FSTL4: variants seen among roughly 807,000 people sequenced by gnomAD.
FSTL4 encodes the protein follistatin like 4.
Under a neutral mutation model 78.2 loss-of-function variants are expected in FSTL4, and 28 were observed. The ratio of observed to expected loss-of-function variants is 0.36; its 90% CI spans 0.27 to 0.49. FSTL4 has a LOEUF of 0.49. Among genes scored for constraint, FSTL4 ranks in the 20% least tolerant of loss-of-function variants. FSTL4 has a pLI of 0.98. For missense variants in FSTL4, 922 were observed against 1,084.9 expected, an observed-to-expected ratio of 0.85 and a Z score of 2.11; for synonymous variants, 422 against 440.5, an observed-to-expected ratio of 0.96 and a Z score of 0.53.
At chr5:133,839,229 A>G in the FSTL4 span, among the ~76,000 whole-genome samples, 1 of 152,156 alleles carries the variant, frequency 6.6e-6, no homozygotes, top group South Asian at 2.1e-4. Context: ...TGCCCCACTC[A>G]GACTCACTCC....
chr5:133,769,076 T>C, the FSTL4 span, among the ~76,000 whole-genome samples: 1 of 152,196 alleles, frequency 6.6e-6, no homozygotes, highest in Non-Finnish European at 1.5e-5. Flanking sequence ...TCAAAGAAAG[T>C]TCTTTGGGCG....
At chr5:133,250,527 C>T (rs567681909) in intron 6 of FSTL4, among the ~76,000 whole-genome samples, 27 of 152,342 alleles carry the variant, frequency 1.8e-4, no homozygotes, top group Admixed American at 6.5e-4. Flanking sequence ...TTCATGCTTA[C>T]GACTCTATTG....
At chr5:133,802,343 G>C in the FSTL4 span, among the ~76,000 whole-genome samples, 2 of 152,218 alleles carry the variant, frequency 1.3e-5, no homozygotes, top group Admixed American at 1.3e-4. Context: ...CTCCTGGATG[G>C]GGTGTTTTCA....
intron 4 of FSTL4, among the ~76,000 whole-genome samples, chr5:133,322,304 C>T (rs150375481): frequency 0.033 from 2,652 of 81,274 alleles, 91 homozygotes; most frequent in African/African-American, 0.099. Flanking sequence ...CCCACACACA[C>T]CCACACCCAC....
chr5:133,280,098 G>A (rs1049030379), intron 6 of FSTL4, among the ~76,000 whole-genome samples: 11 of 152,162 alleles, frequency 7.2e-5, no homozygotes. Flanking sequence ...ACACGTTTAC[G>A]TGGTTTAAAG....
At chr5:133,503,369 G>A (rs1224527979) in intron 3 of FSTL4, among the ~76,000 whole-genome samples, 1 of 152,204 alleles carries the variant, frequency 6.6e-6, no homozygotes, top group Non-Finnish European at 1.5e-5. Context: ...AACATGGCCA[G>A]TATCAAACAA....
At chr5:133,221,910 T>TG (rs1561626788) in intron 11 of FSTL4, among the ~76,000 whole-genome samples, 12 of 115,194 alleles carry the variant, frequency 1.0e-4, no homozygotes, top group African/African-American at 5.2e-4. Context: ...TTTTTTTTTT[T>TG]TTTTTTTTTT....
the FSTL4 span, among the ~76,000 whole-genome samples, chr5:133,739,740 C>T: frequency 6.6e-6 from 1 of 152,190 alleles, no homozygotes; most frequent in Admixed American, 6.5e-5. Context: ...ACACGATCTC[C>T]TTTAATCTTT....
chr5:133,657,247 G>A, the FSTL4 span, among the ~76,000 whole-genome samples: 3 of 152,300 alleles, frequency 2.0e-5, no homozygotes, highest in South Asian at 2.1e-4. Flanking sequence ...TCTGTAGCAC[G>A]TGTGGCATTG....
At chr5:133,539,931 C>T (rs193174631) in intron 3 of FSTL4, among the ~76,000 whole-genome samples, 2 of 148,866 alleles carry the variant, frequency 1.3e-5, no homozygotes, top group Admixed American at 6.8e-5. Context: ...AAACATTTTA[C>T]TGGATGTTTC....
the FSTL4 span, among the ~76,000 whole-genome samples, chr5:133,680,691 A>G: frequency 1.3e-5 from 2 of 152,188 alleles, no homozygotes; most frequent in Non-Finnish European, 2.9e-5. Flanking sequence ...GCTCTTCCTT[A>G]TAGGCACCCT....
At chr5:133,336,324 C>A (rs1044570652) in intron 4 of FSTL4, among the ~76,000 whole-genome samples, 1 of 152,242 alleles carries the variant, frequency 6.6e-6, no homozygotes, top group African/African-American at 2.4e-5. Flanking sequence ...CCTTCCACTA[C>A]GCTGAGGTGT....
chr5:133,262,226 C>T lies in FSTL4; in HGVS notation c.728-12650G>A, dbSNP rs576687234. 1.6e-4 allele frequency among the ~76,000 whole-genome samples: 25 copies of T among 152,284 alleles called. No homozygotes were observed. The South Asian group carries it at 5.0e-3, about 30-fold the overall frequency. On this transcript the variant is annotated intron_variant, in intron 6 of 15. Coordinates refer to ENST00000265342, the MANE Select transcript of FSTL4 (RefSeq NM_015082.2). The stretch of plus-strand genomic sequence containing the variant: ...AGCTCCCCTGGAGGCCGACTCACTG[C>T]CCCAGCCCCTGTTCTACAGGTCGCA...
chr5:133,224,879 C>T (rs1233902560), intron 10 of FSTL4, among the ~76,000 whole-genome samples: 2 of 151,968 alleles, frequency 1.3e-5, no homozygotes, highest in East Asian at 1.9e-4. Context: ...AGCTGGGACT[C>T]GACTATTTGG....
chr5:133,825,739 C>T, the FSTL4 span, among the ~76,000 whole-genome samples: 9 of 152,170 alleles, frequency 5.9e-5, no homozygotes, highest in East Asian at 1.9e-4. Context: ...CCAGGGAGCA[C>T]GGAGGATGTC....
At chr5:133,662,845 C>T in the FSTL4 span, among the ~76,000 whole-genome samples, 1 of 152,168 alleles carries the variant, frequency 6.6e-6, no homozygotes, top group Non-Finnish European at 1.5e-5. Context: ...CAAAGGTTTA[C>T]TCATTTAACC....
Position 133,199,629 on chromosome 5 carries a change from G to A in FSTL4, c.1995C>T (p.Pro665=), listed in dbSNP as rs1361598933. Residue 665 remains proline, a synonymous_variant, in exon 16 of 16, where the codon CCC becomes CCT. Transcript: ENST00000265342. The surrounding 1 kb of genome is among the most constrained non-coding windows in gnomAD (Gnocchi z 4.4). ...YFFIQCRQDS[P]ASAARQLLVD... is the part of the protein sequence containing the mutation. ...CGAGCAGCTGTCGGGCAGCAGAGGC[G>A]GGGCTGTCCTGTCGGCACTGGATGA... 20 of 1,614,064 alleles carry A rather than the reference G, an allele frequency of 1.2e-5. No individual in the cohort carries two copies. Among genetic ancestry groups the A allele is most frequent in the Non-Finnish European group, 1.4e-5 (16 of 1,180,040 alleles).
intron 3 of FSTL4, among the ~76,000 whole-genome samples, chr5:133,408,167 A>AG (rs749704590): frequency 5.9e-5 from 9 of 152,218 alleles, no homozygotes; most frequent in African/African-American, 2.2e-4. Flanking sequence ...GTAACCCTCT[A>AG]GCCTGGATCA....
At chr5:133,304,469 G>A (rs1753614126) in intron 6 of FSTL4, among the ~76,000 whole-genome samples, 1 of 151,852 alleles carries the variant, frequency 6.6e-6, no homozygotes, top group Non-Finnish European at 1.5e-5. Flanking sequence ...CCAAGAGGAG[G>A]GTTTAAAAAA....
Sources: allele counts gnomAD v4.1 joint callset (sites outside exome capture counted in the v4.1 genomes callset), GRCh38; gene constraint gnomAD v4.1.1; non-coding constraint Gnocchi (gnomAD v3.1); transcripts MANE v1.5; gene names NCBI Gene and HGNC (gene_info 2026-07-23, HGNC 2026-07-21).